The following NCALD variants were observed in gnomAD, a reference collection of about 807,000 sequenced individuals.
NCALD encodes the protein neurocalcin delta.
In NCALD, 10 loss-of-function variants were observed where a neutral mutation model predicts 18.6. That is an observed-to-expected ratio of 0.54 (90% CI 0.33 to 0.91). The LOEUF (loss-of-function observed/expected upper bound fraction) is 0.91. NCALD is among the 40% of genes least tolerant of loss of function. The probability of loss-of-function intolerance (pLI) is 0.03; values close to 1 mark genes in which losing one functional copy is unlikely to be tolerated. For missense variants in NCALD, 184 were observed against 247.6 expected (o/e 0.74, Z 1.72); for synonymous variants, 88 against 87.4 (o/e 1.01, Z -0.04).
intron 3 of NCALD, among the ~76,000 whole-genome samples, chr8:101,914,531 A>AC (rs1256945458): frequency 4.6e-5 from 7 of 152,028 alleles, no homozygotes; most frequent in Non-Finnish European, 7.4e-5. Context: ...GTTATGCTTT[A>AC]CCCCCTGAAA....
At chr8:102,029,301 G>A (rs1174793256) in intron 1 of NCALD, among the ~76,000 whole-genome samples, 3 of 152,196 alleles carry the variant, frequency 2.0e-5, no homozygotes, top group Non-Finnish European at 4.4e-5. Context: ...AATCCAACAG[G>A]CAACAGGAAG....
At chr8:101,963,196 A>G (rs1427402986) in intron 2 of NCALD, among the ~76,000 whole-genome samples, 1 of 152,196 alleles carries the variant, frequency 6.6e-6, no homozygotes, top group East Asian at 1.9e-4. Flanking sequence ...AGTCATGGCC[A>G]CTTTTCACTA....
intron 4 of NCALD, among the ~76,000 whole-genome samples, chr8:101,803,898 A>G (rs1413020389): frequency 6.6e-6 from 1 of 152,250 alleles, no homozygotes; most frequent in Admixed American, 6.5e-5. Context: ...CCAATTTTCT[A>G]CTATGGGTAA....
chr8:101,882,293 A>C (rs1816519728), intron 4 of NCALD, among the ~76,000 whole-genome samples: 1 of 152,070 alleles, frequency 6.6e-6, no homozygotes, highest in South Asian at 2.1e-4. Context: ...CTAACCCCCA[A>C]GGTGATTATA....
At chr8:101,965,703 C>T (rs1009691090) in intron 2 of NCALD, among the ~76,000 whole-genome samples, 7 of 151,648 alleles carry the variant, frequency 4.6e-5, no homozygotes, top group South Asian at 4.1e-4. Context: ...CCATGGCATG[C>T]GTATACCTAT....
intron 2 of NCALD, among the ~76,000 whole-genome samples, chr8:101,992,654 G>A (rs1035372257): frequency 2.6e-5 from 4 of 152,096 alleles, no homozygotes; most frequent in Non-Finnish European, 5.9e-5. Context: ...CTGAAAGAGC[G>A]AACACATGTG....
intron 4 of NCALD, among the ~76,000 whole-genome samples, chr8:101,835,705 TGTGA>T (rs745712781): frequency 6.6e-6 from 1 of 152,030 alleles, no homozygotes; most frequent in South Asian, 2.1e-4. Context: ...TAGCTGTGTG[TGTGA>T]GTGTGTGTGC....
intron 2 of NCALD, among the ~76,000 whole-genome samples, chr8:101,696,570 G>A (rs966213351): frequency 2.0e-5 from 3 of 152,208 alleles, no homozygotes; most frequent in African/African-American, 7.2e-5. Flanking sequence ...AGTACACAAT[G>A]TGGCTCTAGA....
chr8:102,005,996 T>A (rs1403694266), intron 2 of NCALD, among the ~76,000 whole-genome samples: 1 of 151,958 alleles, frequency 6.6e-6, no homozygotes, highest in Non-Finnish European at 1.5e-5. Flanking sequence ...AACCTGCACG[T>A]TGTGCACATG....
At chr8:101,874,471 C>G (rs1035781967) in intron 4 of NCALD, among the ~76,000 whole-genome samples, 3 of 152,138 alleles carry the variant, frequency 2.0e-5, no homozygotes, top group African/African-American at 7.2e-5. Context: ...TTCAGCATTT[C>G]CCACACTTCT....
chr8:101,970,008 T>G (rs530865205), intron 2 of NCALD, among the ~76,000 whole-genome samples: 1 of 152,290 alleles, frequency 6.6e-6, no homozygotes, highest in South Asian at 2.1e-4. Flanking sequence ...ACCCTCAAAG[T>G]GCTCTCAGAG....
intron 2 of NCALD, among the ~76,000 whole-genome samples, chr8:101,974,281 A>G (rs1358009529): frequency 6.6e-6 from 1 of 152,204 alleles, no homozygotes; most frequent in Non-Finnish European, 1.5e-5. Flanking sequence ...GCATATTTGG[A>G]AGACTTTTTA....
intron 1 of NCALD, among the ~76,000 whole-genome samples, chr8:101,779,144 G>A (rs530557410): frequency 2.0e-5 from 3 of 152,202 alleles, no homozygotes; most frequent in Admixed American, 2.0e-4. Context: ...CAAAGATACA[G>A]CCCTTCTTCT....
At chr8:101,825,197 G>T (rs1416215076) in intron 4 of NCALD, among the ~76,000 whole-genome samples, 1 of 152,222 alleles carries the variant, frequency 6.6e-6, no homozygotes. Flanking sequence ...GTCATCCTCT[G>T]AGCAGAAGGT....
At chr8:101,962,426 C>A (rs374287598) in intron 2 of NCALD, among the ~76,000 whole-genome samples, 5 of 152,354 alleles carry the variant, frequency 3.3e-5, no homozygotes, top group African/African-American at 1.2e-4. Context: ...TCAAGCCAAT[C>A]TGGCTGCTGG....
At chr8:102,000,730 T>C (rs191106281) in intron 2 of NCALD, among the ~76,000 whole-genome samples, 2 of 152,342 alleles carry the variant, frequency 1.3e-5, no homozygotes, top group East Asian at 3.9e-4. Context: ...ATATCTGCTG[T>C]TCTGCAGCCT....
chr8:101,973,391 T>G (rs1820311275), intron 2 of NCALD, among the ~76,000 whole-genome samples: 1 of 152,202 alleles, frequency 6.6e-6, no homozygotes, highest in Non-Finnish European at 1.5e-5. Context: ...CTGATGTTTT[T>G]CTATACTTAG....
chr8:101,935,191 T>C (rs555551811), intron 2 of NCALD, among the ~76,000 whole-genome samples: 11 of 151,682 alleles, frequency 7.3e-5, no homozygotes, highest in Non-Finnish European at 1.3e-4. Context: ...AAAAAAAATA[T>C]AGGTGAGAAA....
chr8:101,882,188 A>C (rs1000902784), intron 4 of NCALD, among the ~76,000 whole-genome samples: 4 of 152,170 alleles, frequency 2.6e-5, no homozygotes, highest in Non-Finnish European at 5.9e-5. Context: ...CGCTAACAAC[A>C]TGTCCATCAT....
Sources: allele counts gnomAD v4.1 joint callset (sites outside exome capture counted in the v4.1 genomes callset), GRCh38; gene constraint gnomAD v4.1.1; transcripts MANE v1.5; gene names NCBI Gene and HGNC (gene_info 2026-07-23, HGNC 2026-07-21).